Variants in WDR41 observed in about 807,000 individuals in gnomAD.
WDR41 encodes WD repeat domain 41, also known as WD repeat-containing protein 41.
In WDR41, 63 loss-of-function variants were observed where a neutral mutation model predicts 69.3. The observed-to-expected ratio is 0.91, with a 90% CI of 0.74 to 1.12. The LOEUF (loss-of-function observed/expected upper bound fraction) is 1.12, where lower values mean the gene tolerates loss of function less well. Among genes scored for constraint, WDR41 ranks in the 50% most tolerant of loss-of-function variants. The pLI is 0.00. For missense variants in WDR41, 543 were observed against 534.5 expected (o/e 1.02, Z -0.16); for synonymous variants, 185 against 192.1 (o/e 0.96, Z 0.31).
intron 1 of WDR41, among the ~76,000 whole-genome samples, chr5:77,508,866 G>T (rs556726836): frequency 6.6e-6 from 1 of 152,134 alleles, no homozygotes; most frequent in Non-Finnish European, 1.5e-5. Flanking sequence ...CAGTCACCCT[G>T]GAATGACTGA....
chr5:77,449,205 C>T (rs1799523214), intron 8 of WDR41, among the ~76,000 whole-genome samples: 1 of 151,364 alleles, frequency 6.6e-6, no homozygotes, highest in Non-Finnish European at 1.5e-5. Flanking sequence ...TTTAGGAAGC[C>T]AAATAGGATG....
At chr5:77,560,082 T>C (rs1743493151) in intron 1 of WDR41, among the ~76,000 whole-genome samples, 1 of 152,190 alleles carries the variant, frequency 6.6e-6, no homozygotes, top group Non-Finnish European at 1.5e-5. Flanking sequence ...TTAAGATTGA[T>C]TGAAAGGCTT....
chr5:77,589,831 T>G (rs944366538), intron 1 of WDR41, among the ~76,000 whole-genome samples: 4 of 152,186 alleles, frequency 2.6e-5, no homozygotes, highest in African/African-American at 9.6e-5. Flanking sequence ...TCTTGCCATA[T>G]AGCACTAGCT....
At chr5:77,451,263 A>T in intron 7 of WDR41, 28 bp downstream of exon 7, 1 of 1,610,838 alleles carries the variant, frequency 6.2e-7, no homozygotes, top group African/African-American at 1.3e-5. Context: ...CGTTCAAAAT[A>T]CACAAAAAGA....
intron 1 of WDR41, among the ~76,000 whole-genome samples, chr5:77,596,460 A>G (rs1744229702): frequency 6.6e-6 from 1 of 151,968 alleles, no homozygotes; most frequent in South Asian, 2.1e-4. Context: ...GCAGTTTCCA[A>G]CTTGGGGAAA....
chr5:77,499,943 T>A (rs996817794), intron 1 of WDR41, among the ~76,000 whole-genome samples: 4 of 141,566 alleles, frequency 2.8e-5, no homozygotes, highest in African/African-American at 1.1e-4. Flanking sequence ...GTGCCTAACC[T>A]AGTCAGGTTA....
rs141433010 is a variant in WDR41, at chr5:77,487,309, C to T, written c.167+2148G>A. On this transcript the variant is annotated intron_variant, in intron 2 of 12. Coordinates refer to ENST00000296679, the MANE Select transcript of WDR41 (RefSeq NM_018268.4). The stretch of plus-strand genomic sequence containing the variant: ...AGCAACTTACTAGGGTAAAATATAG[C>T]GCAAGAAAACTTTAGCTGTCCAAAA... Among the ~76,000 whole-genome samples, 42 of 152,276 alleles carry T rather than the reference C, an allele frequency of 2.8e-4. 1 individual carries two copies. Among genetic ancestry groups the T allele is most frequent in the South Asian group, 2.1e-4 (1 of 4,824 alleles).
intron 1 of WDR41, among the ~76,000 whole-genome samples, chr5:77,525,951 G>C (rs574337478): frequency 6.6e-6 from 1 of 152,176 alleles, no homozygotes; most frequent in South Asian, 2.1e-4. Context: ...TTAGCATTCT[G>C]TGCTTCATTT....
chr5:77,450,758 C>A (rs149132215), intron 7 of WDR41, among the ~76,000 whole-genome samples: 9 of 152,296 alleles, frequency 5.9e-5, no homozygotes, highest in Non-Finnish European at 4.4e-5. Context: ...TGAGAAGTGA[C>A]AAGTCTCTGA....
In WDR41 at chr5:77,463,142, CTT is replaced by C. The variant is rs755280094; in HGVS notation, c.299_300del (p.Glu100GlyfsTer12). The C allele has an allele frequency of 1.6e-5, 25 of 1,612,432 alleles. No homozygotes were observed. Among genetic ancestry groups the C allele is most frequent in the Non-Finnish European group, 2.0e-5 (23 of 1,179,300 alleles). On this transcript the variant is annotated frameshift_variant, in exon 4 of 13. Coordinates refer to ENST00000296679, the MANE Select transcript of WDR41 (RefSeq NM_018268.4). LOFTEE classifies it high-confidence loss of function. Reference sequence around the variant, plus strand: ...GCTGTCAAGATGAGTTGATTTTTCTCTTCACAAGATTCCAAGGAAGGAAATGT... The same window carrying C: ...GCTGTCAAGATGAGTTGATTTTTCTCCACAAGATTCCAAGGAAGGAAATGT... ...IITFPSLESCEEKNQLILTAS... is the reference protein window; with the variant it reads ...IITFPSLESCXEKNQLILTAS...
intron 1 of WDR41, among the ~76,000 whole-genome samples, chr5:77,518,251 A>C (rs930645540): frequency 5.3e-5 from 8 of 152,130 alleles, no homozygotes; most frequent in African/African-American, 1.9e-4. Flanking sequence ...CTCATAATGT[A>C]ATATAAAATT....
intron 1 of WDR41, among the ~76,000 whole-genome samples, chr5:77,561,588 T>C (rs1443925736): frequency 6.6e-6 from 1 of 152,122 alleles, no homozygotes. Context: ...AACTTCAACT[T>C]GAATGGGATT....
intron 12 of WDR41, 79 bp from the exon 13 acceptor site, chr5:77,433,366 GT>G: frequency 7.4e-7 from 1 of 1,357,276 alleles, no homozygotes; most frequent in Non-Finnish European, 1.0e-6. Flanking sequence ...ACATGTGCGT[GT>G]GAGATATGTG....
chr5:77,504,765 A>G (rs1256755495), intron 1 of WDR41, among the ~76,000 whole-genome samples: 5 of 152,134 alleles, frequency 3.3e-5, no homozygotes, highest in African/African-American at 4.8e-5. Flanking sequence ...CAGAACCAAC[A>G]ACAAAAACCA....
At chr5:77,460,337 C>T (rs1799999195) in intron 4 of WDR41, among the ~76,000 whole-genome samples, 1 of 152,164 alleles carries the variant, frequency 6.6e-6, no homozygotes, top group African/African-American at 2.4e-5. Context: ...ATGTATATAA[C>T]ACACTAAAAC....
At chr5:77,541,019 G>A (rs1743079026) in intron 1 of WDR41, among the ~76,000 whole-genome samples, 2 of 152,096 alleles carry the variant, frequency 1.3e-5, no homozygotes, top group African/African-American at 2.4e-5. Flanking sequence ...AATTCAGTAG[G>A]GGGAAAAGAA....
intron 1 of WDR41, among the ~76,000 whole-genome samples, chr5:77,594,746 A>G (rs1441596643): frequency 6.6e-6 from 1 of 152,212 alleles, no homozygotes; most frequent in Non-Finnish European, 1.5e-5. Context: ...TACAGGGGAA[A>G]AAAAGCTGTT....
intron 1 of WDR41, among the ~76,000 whole-genome samples, chr5:77,562,776 C>T (rs1465744821): frequency 6.6e-6 from 1 of 152,128 alleles, no homozygotes; most frequent in African/African-American, 2.4e-5. Context: ...ATCACTTGGG[C>T]CTTGGTGAGA....
intron 1 of WDR41, chr5:77,582,380 A>C: frequency 6.2e-7 from 1 of 1,608,896 alleles, no homozygotes; most frequent in South Asian, 1.1e-5. Context: ...GGAACCATGG[A>C]GGGTGTAGAA....
Sources: gnomAD v4.1 joint callset for allele counts (sites outside exome capture counted in the v4.1 genomes callset) on GRCh38, gnomAD v4.1.1 for gene constraint, MANE v1.5 for transcripts, NCBI Gene and HGNC (gene_info 2026-07-23, HGNC 2026-07-21) for gene names.